Variants in OPN3 observed in about 807,000 individuals in gnomAD.
OPN3 encodes the protein opsin 3, also known as opsin-3.
In OPN3, 29 loss-of-function variants were observed where a neutral mutation model predicts 33.8. That is an observed-to-expected ratio of 0.86 (90% confidence interval 0.64 to 1.17). The LOEUF (loss-of-function observed/expected upper bound fraction) is 1.17. Among genes scored for constraint, OPN3 ranks in the 50% most tolerant of loss-of-function variants. The probability of loss-of-function intolerance (pLI) is 0.00; values close to 1 mark genes in which losing one functional copy is unlikely to be tolerated. For synonymous variants in OPN3, 216 were observed against 216.1 expected, an observed-to-expected ratio of 1.00 and a Z score of 0.00; for missense variants, 437 against 514.1, an observed-to-expected ratio of 0.85 and a Z score of 1.45.
chr1:241,611,692 C>G (rs1265201308), intron 1 of OPN3, among the ~76,000 whole-genome samples: 3 of 152,136 alleles, frequency 2.0e-5, no homozygotes, highest in Admixed American at 6.5e-5. Context: ...CCTAGAAAAC[C>G]CTTAAATGCC....
At chr1:241,635,556 C>A in intron 1 of OPN3, 2 of 1,614,092 alleles carry the variant, frequency 1.2e-6, no homozygotes, top group Non-Finnish European at 8.5e-7. Flanking sequence ...ACAGTACTTT[C>A]TTCCCCAATG....
chr1:241,620,750 C>T (rs549727783), intron 1 of OPN3, among the ~76,000 whole-genome samples: 39 of 152,078 alleles, frequency 2.6e-4, no homozygotes, highest in East Asian at 1.5e-3. Flanking sequence ...TTTTCTCATA[C>T]GAAGTCTTGG....
chr1:241,631,252 G>C (rs1217053529), intron 1 of OPN3: 2 of 151,452 alleles, frequency 1.3e-5, no homozygotes, highest in African/African-American at 2.4e-5. Context: ...CTTTATTTTC[G>C]ACTAATTTTT....
At chr1:241,606,474 G>A (rs1663831989) in intron 1 of OPN3, among the ~76,000 whole-genome samples, 1 of 151,972 alleles carries the variant, frequency 6.6e-6, no homozygotes. Flanking sequence ...GAACCAGGGA[G>A]GTGGAGGTTG....
At chr1:241,598,636 G>A (rs774311601) in intron 2 of OPN3, among the ~76,000 whole-genome samples, 3 of 152,178 alleles carry the variant, frequency 2.0e-5, no homozygotes, top group Non-Finnish European at 4.4e-5. Flanking sequence ...AAACCAGCCT[G>A]TCTACTCGCA....
At chr1:241,602,880 T>C (rs1264337913) in intron 2 of OPN3, among the ~76,000 whole-genome samples, 1 of 152,174 alleles carries the variant, frequency 6.6e-6, no homozygotes, top group Non-Finnish European at 1.5e-5. Flanking sequence ...AATTGGCATA[T>C]TTGATATGCT....
intron 1 of OPN3, among the ~76,000 whole-genome samples, chr1:241,626,164 A>G (rs980861985): frequency 2.2e-4 from 33 of 152,224 alleles, no homozygotes; most frequent in Admixed American, 2.1e-3. Context: ...TGATTGCGAT[A>G]TATTTTACCA....
At chr1:241,626,964 TAC>T (rs926511407) in intron 1 of OPN3, among the ~76,000 whole-genome samples, 2 of 152,156 alleles carry the variant, frequency 1.3e-5, no homozygotes, top group Non-Finnish European at 2.9e-5. Flanking sequence ...ATCTTCCTGC[TAC>T]ACTTTGTCAA....
At chr1:241,636,194 G>C (rs971913880) in intron 1 of OPN3, 4 of 398,196 alleles carry the variant, frequency 1.0e-5, no homozygotes, top group African/African-American at 6.2e-5. Context: ...CTCTACTAAA[G>C]CATGTCTTAA....
At chr1:241,631,367 T>C (rs1042968245) in intron 1 of OPN3, 2 of 152,142 alleles carry the variant, frequency 1.3e-5, no homozygotes, top group African/African-American at 4.8e-5. Context: ...TTTCGGTAGA[T>C]CTGGAATACC....
intron 1 of OPN3, among the ~76,000 whole-genome samples, chr1:241,618,750 C>G (rs915492058): frequency 3.3e-5 from 5 of 151,970 alleles, no homozygotes; most frequent in African/African-American, 1.2e-4. Context: ...ATTTAAGGAC[C>G]TTAATGTTCT....
chr1:241,595,509 G>A (rs953502327), intron 3 of OPN3: 4 of 152,078 alleles, frequency 2.6e-5, no homozygotes, highest in Non-Finnish European at 4.4e-5. Context: ...TATAGTAGTC[G>A]GTCCATCATG....
intron 1 of OPN3, among the ~76,000 whole-genome samples, chr1:241,606,619 CT>C (rs746832044): frequency 4.4e-4 from 66 of 151,560 alleles, no homozygotes; most frequent in Non-Finnish European, 5.7e-4. Context: ...GGTTTCTAAC[CT>C]GCCTAAGGAA....
chr1:241,637,786 A>G (rs1664955584), intron 1 of OPN3, among the ~76,000 whole-genome samples: 1 of 152,216 alleles, frequency 6.6e-6, no homozygotes, highest in African/African-American at 2.4e-5. Context: ...CGCACAATGC[A>G]TGAGTCGCAG....
At position 241,604,324 on chromosome 1, in the gene OPN3, C is replaced by T; in HGVS notation, c.629G>A (p.Cys210Tyr). 1 of 1,614,194 alleles carries T rather than the reference C, an allele frequency of 6.2e-7. No homozygotes were observed. Among genetic ancestry groups the T allele is most frequent in the African/African-American group, 1.3e-5 (1 of 75,038 alleles). ...TATGACACCCAGGGGCACCACCAGG[C>T]AGCCAAGAAATAAGAAAAGCACAAA... ...SSFVLFLFLG[C>Y]LVVPLGVIAH... Residue 210 changes from cysteine (C) to tyrosine (Y), a missense_variant, in exon 2 of 4, where the codon TGC becomes TAC. By Grantham distance (194) the Cys-to-Tyr change is radical (BLOSUM62 -2). Transcript: ENST00000366554.
chr1:241,611,380 G>A (rs527800823), intron 1 of OPN3, among the ~76,000 whole-genome samples: 1 of 151,668 alleles, frequency 6.6e-6, no homozygotes, highest in African/African-American at 2.4e-5. Flanking sequence ...GAAGGAGGTA[G>A]AAGGAGAAAC....
chr1:241,619,676 T>C (rs1573960411), intron 1 of OPN3, among the ~76,000 whole-genome samples: 1 of 152,216 alleles, frequency 6.6e-6, no homozygotes. Context: ...GAGAAGCTTG[T>C]TGGGGAGACA....
chr1:241,639,039 G>C (rs1391573605), intron 1 of OPN3: 1 of 152,204 alleles, frequency 6.6e-6, no homozygotes, highest in African/African-American at 2.4e-5. Flanking sequence ...GATTTGCTGA[G>C]TTGTTGATCA....
intron 1 of OPN3, 38 bp from the exon 2 acceptor site, chr1:241,604,617 AG>A: frequency 2.6e-6 from 4 of 1,565,182 alleles, no homozygotes; most frequent in South Asian, 2.4e-5. Context: ...AGCATGGTGC[AG>A]GGGGAAACCG....
Sources: gnomAD v4.1 joint callset for allele counts (sites outside exome capture counted in the v4.1 genomes callset) on GRCh38, gnomAD v4.1.1 for gene constraint, MANE v1.5 for transcripts, NCBI Gene and HGNC (gene_info 2026-07-23, HGNC 2026-07-21) for gene names.